KCNT2: variants seen among roughly 807,000 people sequenced by gnomAD.
The protein encoded by KCNT2 is potassium sodium-activated channel subfamily T member 2.
KCNT2 carries 67 observed loss-of-function variants against 153.8 expected under a neutral mutation model. The observed-to-expected ratio is 0.44, with a 90% confidence interval of 0.36 to 0.53. The LOEUF is 0.53. Ranked by LOEUF, KCNT2 falls within the 20% of genes least tolerant of loss-of-function variation. The pLI, the probability that KCNT2 is intolerant of heterozygous loss-of-function variation, is 0.00. For synonymous variants in KCNT2, 500 were observed against 458.8 expected, an observed-to-expected ratio of 1.09 and a Z score of -1.15; for missense variants, 975 against 1,354.8, an observed-to-expected ratio of 0.72 and a Z score of 4.40.
intron 1 of KCNT2, among the ~76,000 whole-genome samples, chr1:196,499,681 A>G (rs9782933): frequency 0.97 from 147,119 of 152,310 alleles, 71,255 homozygotes; most frequent in Middle Eastern, 1. Flanking sequence ...AACTTAATCT[A>G]CCTTATGATT....
At position 196,298,082 on chromosome 1, in the gene KCNT2, G is replaced by A. The variant is rs369184793; in HGVS notation, c.2595+7152C>T. ...TCCCAGAAGATATCTCCAATCACTG[G>A]TAGAAATTCTTATCGTTTTGTTCTA... On this transcript the variant is annotated intron_variant, in intron 22 of 27. Transcript: ENST00000294725. Among the ~76,000 whole-genome samples, 23 of 152,164 alleles carry A rather than the reference G, an allele frequency of 1.5e-4. No individual in the cohort carries two copies. The East Asian group carries it at 4.3e-3, about 28-fold the overall frequency.
chr1:196,603,583 A>G (rs567563934), intron 1 of KCNT2, among the ~76,000 whole-genome samples: 1 of 152,314 alleles, frequency 6.6e-6, no homozygotes, highest in South Asian at 2.1e-4. Context: ...TAAACTGTTA[A>G]TGGATTGACT....
At chr1:196,459,710 G>A (rs1376501289) in intron 8 of KCNT2, among the ~76,000 whole-genome samples, 1 of 151,862 alleles carries the variant, frequency 6.6e-6, no homozygotes, top group Admixed American at 6.6e-5. Flanking sequence ...GACAAAATTA[G>A]AATCTGAATG....
At chr1:196,327,697 A>T in intron 18 of KCNT2, among the ~76,000 whole-genome samples, 1 of 126,080 alleles carries the variant, frequency 7.9e-6, no homozygotes, top group African/African-American at 3.6e-5. Context: ...ACAGGGCCTC[A>T]CTCCTGCCGC....
At chr1:196,405,797 T>C (rs1209513910) in intron 12 of KCNT2, among the ~76,000 whole-genome samples, 2 of 151,552 alleles carry the variant, frequency 1.3e-5, no homozygotes, top group Non-Finnish European at 3.0e-5. Flanking sequence ...ACTTTATTTT[T>C]TAAGATTACT....
intron 13 of KCNT2, among the ~76,000 whole-genome samples, chr1:196,377,579 T>C (rs1669080099): frequency 6.6e-6 from 1 of 152,012 alleles, no homozygotes; most frequent in Non-Finnish European, 1.5e-5. Flanking sequence ...TACTAATGTT[T>C]GTTCACAGCA....
At chr1:196,547,799 AAAG>A (rs1441340669) in intron 1 of KCNT2, among the ~76,000 whole-genome samples, 2 of 151,818 alleles carry the variant, frequency 1.3e-5, no homozygotes, top group Non-Finnish European at 1.5e-5. Flanking sequence ...AATTTGAAAA[AAAG>A]CAATACATCT....
At chr1:196,574,236 C>T (rs796174515) in intron 1 of KCNT2, among the ~76,000 whole-genome samples, 89 of 151,828 alleles carry the variant, frequency 5.9e-4, no homozygotes, top group African/African-American at 2.1e-3. Flanking sequence ...TAAAAACCAA[C>T]GAATGAAATT....
intron 16 of KCNT2, among the ~76,000 whole-genome samples, chr1:196,335,980 C>A (rs1314711586): frequency 1.3e-5 from 2 of 152,000 alleles, no homozygotes. Flanking sequence ...TGCATATACC[C>A]CTGGATCCCT....
chr1:196,397,367 A>G (rs1355392983), intron 13 of KCNT2, among the ~76,000 whole-genome samples: 1 of 151,560 alleles, frequency 6.6e-6, no homozygotes, highest in East Asian at 1.9e-4. Context: ...CTAATGATAT[A>G]CGTAACAGGT....
Position 196,404,053 on chromosome 1 carries a change from C to T in KCNT2, c.1186-5382G>A, listed in dbSNP as rs1003556789. 10 of 436,190 alleles carry T rather than the reference C, an allele frequency of 2.3e-5. No homozygotes were observed. In the South Asian group the frequency reaches 3.8e-4, roughly 17 times the overall value. The allele number at this position is 436,190 out of a possible 1,614,324, so 27.0% of individuals were successfully genotyped here. A position where few individuals can be genotyped will look rare whatever the true frequency, so the allele number is the denominator to read the frequency against. On this transcript the variant is annotated intron_variant, in intron 12 of 27. Coordinates refer to ENST00000294725, the MANE Select transcript of KCNT2 (RefSeq NM_198503.5). ...CATTCTTATCCCAAACTGAACTCAT[C>T]TTGCTACTGGTAGTCCTCCCTTTTC...
At chr1:196,351,557 A>G (rs1666700459) in intron 14 of KCNT2, among the ~76,000 whole-genome samples, 1 of 152,044 alleles carries the variant, frequency 6.6e-6, no homozygotes, top group Non-Finnish European at 1.5e-5. Context: ...TTGATTTTGT[A>G]TCCCGAGACT....
At chr1:196,428,594 C>T (rs962140271) in intron 9 of KCNT2, among the ~76,000 whole-genome samples, 6 of 152,064 alleles carry the variant, frequency 3.9e-5, no homozygotes, top group African/African-American at 1.4e-4. Flanking sequence ...TATTTTCCCA[C>T]ATTCTCTGTC....
chr1:196,416,338 A>G (rs941701256), intron 12 of KCNT2, among the ~76,000 whole-genome samples: 1 of 152,110 alleles, frequency 6.6e-6, no homozygotes, highest in African/African-American at 2.4e-5. Context: ...AAAGAAAAAT[A>G]TCTTAGCTGA....
intron 1 of KCNT2, among the ~76,000 whole-genome samples, chr1:196,543,475 G>T (rs1656653631): frequency 1.3e-5 from 2 of 152,038 alleles, no homozygotes; most frequent in South Asian, 4.1e-4. Context: ...TCTCAAATCT[G>T]TGAAAGTAGA....
intron 22 of KCNT2, among the ~76,000 whole-genome samples, chr1:196,290,367 C>T (rs1483548097): frequency 6.6e-6 from 1 of 151,980 alleles, no homozygotes; most frequent in Non-Finnish European, 1.5e-5. Flanking sequence ...GATTTGTCTT[C>T]TTTCTAGACT....
At chr1:196,553,567 A>C (rs1321741006) in intron 1 of KCNT2, among the ~76,000 whole-genome samples, 1 of 151,188 alleles carries the variant, frequency 6.6e-6, no homozygotes, top group East Asian at 1.9e-4. Flanking sequence ...CACTTTCAGC[A>C]TAGGACAGAC....
At chr1:196,245,284 A>C (rs577044576) in intron 26 of KCNT2, among the ~76,000 whole-genome samples, 3 of 152,110 alleles carry the variant, frequency 2.0e-5, no homozygotes, top group East Asian at 3.9e-4. Context: ...TGAGCCCGGG[A>C]GTTTGAGACC....
At chr1:196,331,394 G>A in intron 17 of KCNT2, 133 bp from the exon 18 acceptor site, 1 of 631,636 alleles carries the variant, frequency 1.6e-6, no homozygotes, top group South Asian at 1.9e-5. Flanking sequence ...TGATAAAGAG[G>A]TAGTTAAGAA....
Sources: allele counts gnomAD v4.1 joint callset (sites outside exome capture counted in the v4.1 genomes callset), GRCh38; gene constraint gnomAD v4.1.1; transcripts MANE v1.5; gene names NCBI Gene and HGNC (gene_info 2026-07-23, HGNC 2026-07-21).